Variants in DPYD observed in about 807,000 individuals in gnomAD.
DPYD encodes dihydropyrimidine dehydrogenase [NADP(+)].
Under a neutral mutation model 116.2 loss-of-function variants are expected in DPYD, and 109 were observed. The ratio of observed to expected loss-of-function variants is 0.94; its 90% CI spans 0.80 to 1.10. The LOEUF (loss-of-function observed/expected upper bound fraction) is 1.10, where lower values mean the gene tolerates loss of function less well. Among genes scored for constraint, DPYD ranks in the 50% least tolerant of loss-of-function variants. The probability of loss-of-function intolerance (pLI) is 0.00; values close to 1 mark genes in which losing one functional copy is unlikely to be tolerated. For synonymous variants in DPYD, 440 were observed against 432.0 expected, an observed-to-expected ratio of 1.02 and a Z score of -0.23; for missense variants, 1,302 against 1,254.5, an observed-to-expected ratio of 1.04 and a Z score of -0.57.
chr1:97,269,506 A>G (rs1268925118), intron 18 of DPYD, among the ~76,000 whole-genome samples: 1 of 152,174 alleles, frequency 6.6e-6, no homozygotes, highest in Non-Finnish European at 1.5e-5. Context: ...TTCCTGTCTT[A>G]GTCCATTTTA....
intron 18 of DPYD, among the ~76,000 whole-genome samples, chr1:97,255,500 C>T (rs1390877697): frequency 6.6e-6 from 1 of 152,040 alleles, no homozygotes; most frequent in Non-Finnish European, 1.5e-5. Flanking sequence ...TTCCCCTGCA[C>T]AAGTTCTCTC....
chr1:97,858,825 T>C (rs1160440787), intron 2 of DPYD, among the ~76,000 whole-genome samples: 2 of 152,162 alleles, frequency 1.3e-5, no homozygotes, highest in African/African-American at 4.8e-5. Flanking sequence ...TCATAATATA[T>C]GCTTAATGAA....
intron 14 of DPYD, among the ~76,000 whole-genome samples, chr1:97,440,674 T>C (rs1037471656): frequency 6.6e-6 from 1 of 152,180 alleles, no homozygotes; most frequent in Non-Finnish European, 1.5e-5. Flanking sequence ...GTTGTACATT[T>C]AGCTTTATGT....
intron 3 of DPYD, among the ~76,000 whole-genome samples, chr1:97,799,382 A>T (rs1310833669): frequency 6.6e-6 from 1 of 151,994 alleles, no homozygotes; most frequent in Non-Finnish European, 1.5e-5. Flanking sequence ...ATCAATCAGC[A>T]AGTTTTCAAA....
intron 13 of DPYD, among the ~76,000 whole-genome samples, chr1:97,465,177 C>A (rs2101834493): frequency 6.6e-6 from 1 of 152,282 alleles, no homozygotes; most frequent in Middle Eastern, 3.4e-3. Context: ...TGGTCAATTT[C>A]TTCCATTTGG....
chr1:97,657,627 T>C (rs2100858572), intron 8 of DPYD, among the ~76,000 whole-genome samples: 2 of 152,284 alleles, frequency 1.3e-5, no homozygotes, highest in Middle Eastern at 6.8e-3. Flanking sequence ...TGAACAACCA[T>C]CCATCTTCTT....
chr1:97,837,116 G>A (rs552020098), intron 2 of DPYD, among the ~76,000 whole-genome samples: 1 of 152,170 alleles, frequency 6.6e-6, no homozygotes, highest in South Asian at 2.1e-4. Flanking sequence ...TTACTTGACA[G>A]TTACTTACAT....
chr1:97,216,410 T>TG (rs1470610058), intron 19 of DPYD, among the ~76,000 whole-genome samples: 1 of 152,214 alleles, frequency 6.6e-6, no homozygotes, highest in Admixed American at 6.5e-5. Flanking sequence ...GCATTTTACT[T>TG]GGAGAACATT....
intron 18 of DPYD, among the ~76,000 whole-genome samples, chr1:97,268,080 T>C (rs1664347833): frequency 6.6e-6 from 1 of 152,170 alleles, no homozygotes; most frequent in South Asian, 2.1e-4. Flanking sequence ...GAGTAACTTG[T>C]TTCATGTAAG....
At chr1:97,144,987 G>A (rs1256070567) in intron 20 of DPYD, among the ~76,000 whole-genome samples, 3 of 152,120 alleles carry the variant, frequency 2.0e-5, no homozygotes, top group Admixed American at 6.6e-5. Context: ...TGTTAGCATG[G>A]CCACAGGGTG....
chr1:97,129,743 G>A (rs977421745), intron 20 of DPYD, among the ~76,000 whole-genome samples: 3 of 152,136 alleles, frequency 2.0e-5, no homozygotes, highest in African/African-American at 7.2e-5. Context: ...CTTTTAGAAA[G>A]TCTACTGTCA....
At chr1:97,388,077 A>C (rs1672459473) in intron 14 of DPYD, among the ~76,000 whole-genome samples, 1 of 152,120 alleles carries the variant, frequency 6.6e-6, no homozygotes, top group Admixed American at 6.6e-5. Flanking sequence ...GATACAGAGA[A>C]GTGGATAGTT....
chr1:97,131,121 A>G (rs897563710), intron 20 of DPYD, among the ~76,000 whole-genome samples: 2 of 152,064 alleles, frequency 1.3e-5, no homozygotes, highest in Admixed American at 6.6e-5. Context: ...GGATTCCCAA[A>G]ATTTCAAAGC....
rs573177898 is a variant in DPYD at position 97,648,255 on chromosome 1, A to G, written c.850+30840T>C. Among the ~76,000 whole-genome samples, 4 of 152,140 alleles carry G rather than the reference A, an allele frequency of 2.6e-5. No individual in the cohort carries two copies. In the South Asian group the frequency reaches 8.3e-4, roughly 32 times the overall value. ...CAAGCAGTCATCATCTAGAACATCT[A>G]ACCTTAGAAAGTATGACTATGGAAA... On this transcript the variant is annotated intron_variant, in intron 8 of 22. Transcript: ENST00000370192.
chr1:97,751,492 A>ATATATG lies in DPYD; in HGVS notation c.234-11014_234-11013insCATATA, dbSNP rs1265776238. 1.3e-4 allele frequency among the ~76,000 whole-genome samples: 17 copies of ATATATG among 134,656 alleles called. No homozygotes were observed. The East Asian group carries it at 3.6e-3, about 29-fold the overall frequency. 88.3% of individuals were successfully genotyped at this position (134,656 alleles called of 152,430 possible). A position where few individuals can be genotyped will look rare whatever the true frequency, so the allele number is the denominator to read the frequency against. On this transcript the variant is annotated intron_variant, in intron 3 of 22. Transcript: ENST00000370192. ...TATATATATATATATATATATATAT[A>ATATATG]TATGGCAGGGGACAGTGGCTCACGC...
intron 8 of DPYD, among the ~76,000 whole-genome samples, chr1:97,664,865 C>T (rs1014506111): frequency 1.3e-5 from 2 of 152,098 alleles, no homozygotes; most frequent in African/African-American, 4.8e-5. Context: ...AGAACACATG[C>T]ACGCACACAC....
At chr1:97,776,066 A>T (rs953005123) in intron 3 of DPYD, among the ~76,000 whole-genome samples, 1 of 152,188 alleles carries the variant, frequency 6.6e-6, no homozygotes, top group Non-Finnish European at 1.5e-5. Flanking sequence ...ATGGTTACAA[A>T]AACATAGAAT....
chr1:97,808,466 C>T (rs1166013609), intron 3 of DPYD, among the ~76,000 whole-genome samples: 1 of 152,080 alleles, frequency 6.6e-6, no homozygotes, highest in Non-Finnish European at 1.5e-5. Context: ...TTGTATCTGG[C>T]AACCTTGCCT....
intron 21 of DPYD, among the ~76,000 whole-genome samples, chr1:97,096,506 T>A (rs2101589817): frequency 6.6e-6 from 1 of 152,272 alleles, no homozygotes; most frequent in African/African-American, 2.4e-5. Context: ...CCAGCTGGAC[T>A]TCCTGGGTCC....
Sources: allele counts gnomAD v4.1 joint callset (sites outside exome capture counted in the v4.1 genomes callset), GRCh38; gene constraint gnomAD v4.1.1; transcripts MANE v1.5; gene names NCBI Gene and HGNC (gene_info 2026-07-23, HGNC 2026-07-21).